Variants in ADAMTS17 observed in about 807,000 individuals in gnomAD.
ADAMTS17 encodes the protein ADAM metallopeptidase with thrombospondin type 1 motif 17.
ADAMTS17 carries 113 observed loss-of-function variants against 141.5 expected under a neutral mutation model. The observed-to-expected ratio is 0.80, with a 90% CI of 0.69 to 0.93. ADAMTS17 has a LOEUF of 0.93. Among genes scored for constraint, ADAMTS17 ranks in the 40% least tolerant of loss-of-function variants. The pLI, the probability that ADAMTS17 is intolerant of heterozygous loss-of-function variation, is 0.00. For missense variants in ADAMTS17, 1,659 were observed against 1,517.9 expected (o/e 1.09, Z -1.54); for synonymous variants, 768 against 630.6 (o/e 1.22, Z -3.27).
Position 100,115,408 on chromosome 15 carries a change from G to A in ADAMTS17, c.1888+1439C>T, listed in dbSNP as rs1015359422. Among the ~76,000 whole-genome samples, 13 of 152,352 alleles carry A rather than the reference G, an allele frequency of 8.5e-5. 1 individual carries two copies. Among genetic ancestry groups the A allele is most frequent in the African/African-American group, 3.1e-4 (13 of 41,582 alleles). ...TCTTGAATTCTGCTGGCGAGCTGAT[G>A]GCGCAGCTACATTACACGGTCCCCA... On this transcript the variant is annotated intron_variant, in intron 13 of 21. Coordinates refer to ENST00000268070, the MANE Select transcript of ADAMTS17 (RefSeq NM_139057.4).
intron 10 of ADAMTS17, among the ~76,000 whole-genome samples, chr15:100,151,805 T>C (rs2039178035): frequency 6.6e-6 from 1 of 152,210 alleles, no homozygotes; most frequent in African/African-American, 2.4e-5. Context: ...GCATGGAGAC[T>C]GCCCTGCCCT....
chr15:99,974,108 T>A lies in ADAMTS17; in HGVS notation c.*294A>T. On this transcript the variant is annotated 3_prime_UTR_variant, in exon 22 of 22. Transcript: ENST00000268070. Reference sequence around the variant, plus strand: ...ACAAGAACACTAAATGATGTCTCTCTCTTGACGGTTGTCTGCCAGAGGTGC... The same window carrying A: ...ACAAGAACACTAAATGATGTCTCTCACTTGACGGTTGTCTGCCAGAGGTGC... 1 of 487,916 alleles carries A rather than the reference T, an allele frequency of 2.0e-6. No individual in the cohort carries two copies. Among genetic ancestry groups the A allele is most frequent in the Non-Finnish European group, 3.8e-6 (1 of 266,086 alleles). The allele number at this position is 487,916 out of a possible 1,614,324, so 30.2% of individuals were successfully genotyped here. A position where few individuals can be genotyped will look rare whatever the true frequency, so the allele number is the denominator to read the frequency against.
rs571764879 is a variant in ADAMTS17 at position 100,049,477 on chromosome 15, C to A, written c.2456-485G>T. Among the ~76,000 whole-genome samples the A allele has an allele frequency of 3.9e-5, 6 of 152,300 alleles. No homozygotes were observed. In the East Asian group the frequency reaches 1.2e-3, roughly 29 times the overall value. On this transcript the variant is annotated intron_variant, in intron 17 of 21. Coordinates refer to ENST00000268070, the MANE Select transcript of ADAMTS17 (RefSeq NM_139057.4). ...TCTGGAAGACACACAGACCTGCATC[C>A]TCTAGACAGGCATTCCAGAGCCATT...
chr15:100,122,655 T>A (rs970578033), intron 12 of ADAMTS17, among the ~76,000 whole-genome samples: 2 of 152,224 alleles, frequency 1.3e-5, no homozygotes, highest in African/African-American at 4.8e-5. Context: ...TTAACATGTT[T>A]TGTAGGTTAT....
At chr15:100,273,313 T>C (rs2043976420) in intron 4 of ADAMTS17, among the ~76,000 whole-genome samples, 1 of 152,190 alleles carries the variant, frequency 6.6e-6, no homozygotes, top group African/African-American at 2.4e-5. Context: ...AGTTTACCAA[T>C]GAAGTCATAA....
intron 8 of ADAMTS17, among the ~76,000 whole-genome samples, chr15:100,177,014 TG>T (rs1350121394): frequency 6.6e-6 from 1 of 152,244 alleles, no homozygotes; most frequent in Non-Finnish European, 1.5e-5. Context: ...GCTCACCCAT[TG>T]GAGCACATTT....
At chr15:99,991,834 A>G (rs928559450) in intron 20 of ADAMTS17, among the ~76,000 whole-genome samples, 1 of 152,240 alleles carries the variant, frequency 6.6e-6, no homozygotes, top group Non-Finnish European at 1.5e-5. Flanking sequence ...ACGGAATACT[A>G]TGCAGCCACA....
intron 15 of ADAMTS17, among the ~76,000 whole-genome samples, chr15:100,068,428 A>G (rs1325599410): frequency 3.3e-5 from 5 of 152,132 alleles, no homozygotes; most frequent in African/African-American, 4.8e-5. Context: ...ACACAGCTGG[A>G]CATCTGCGAA....
chr15:100,114,175 T>TAA (rs1169414494), intron 13 of ADAMTS17, among the ~76,000 whole-genome samples: 1,449 of 118,042 alleles, frequency 0.012, 20 homozygotes, highest in African/African-American at 0.043. Context: ...TTTTTTTTTT[T>TAA]AAAAAAAGGA....
intron 7 of ADAMTS17, among the ~76,000 whole-genome samples, chr15:100,251,157 G>A (rs988286030): frequency 6.6e-6 from 1 of 152,160 alleles, no homozygotes; most frequent in Admixed American, 6.5e-5. Flanking sequence ...ACACGTACTG[G>A]GGATCAGGAG....
intron 13 of ADAMTS17, among the ~76,000 whole-genome samples, chr15:100,115,855 T>TC (rs2037083423): frequency 2.0e-5 from 3 of 152,146 alleles, no homozygotes; most frequent in African/African-American, 7.2e-5. Context: ...TCTGTCTTCT[T>TC]CAAGTGTTGG....
chr15:99,988,178 C>T (rs928933987), intron 20 of ADAMTS17, among the ~76,000 whole-genome samples: 1 of 152,016 alleles, frequency 6.6e-6, no homozygotes, highest in Non-Finnish European at 1.5e-5. Flanking sequence ...AAATCTCATG[C>T]CGAAATGTGT....
chr15:100,173,699 T>A lies in ADAMTS17; in HGVS notation c.1182-18379A>T, dbSNP rs140265392. On this transcript the variant is annotated intron_variant, in intron 8 of 21. Coordinates refer to ENST00000268070, the MANE Select transcript of ADAMTS17 (RefSeq NM_139057.4). ...CTGAGCCTATGTCTCGATTACACTG[T>A]AAGCATCCCACTGTGGCTATTACTG... 1.3e-5 allele frequency among the ~76,000 whole-genome samples: 2 copies of A among 152,366 alleles called. 1 individual carries two copies. The highest frequency in any genetic ancestry group is 3.9e-4 in the East Asian group (2 of 5,194).
At chr15:100,222,665 T>C (rs1294151155) in intron 7 of ADAMTS17, among the ~76,000 whole-genome samples, 1 of 152,160 alleles carries the variant, frequency 6.6e-6, no homozygotes, top group Non-Finnish European at 1.5e-5. Context: ...TCTGGAAATA[T>C]TGGGGGCAGG....
At chr15:100,324,110 C>T (rs1047538806) in intron 3 of ADAMTS17, among the ~76,000 whole-genome samples, 2 of 151,894 alleles carry the variant, frequency 1.3e-5, no homozygotes, top group African/African-American at 4.8e-5. Flanking sequence ...TTCAAGACCA[C>T]CCTGGCCAAC....
chr15:100,072,871 C>A (rs568115816), intron 15 of ADAMTS17, among the ~76,000 whole-genome samples: 30 of 152,140 alleles, frequency 2.0e-4, no homozygotes, highest in Admixed American at 1.5e-3. Context: ...TCTAAAACAC[C>A]AAAAGCAATG....
intron 8 of ADAMTS17, among the ~76,000 whole-genome samples, chr15:100,175,620 G>A (rs2040311561): frequency 6.6e-6 from 1 of 152,066 alleles, no homozygotes; most frequent in Non-Finnish European, 1.5e-5. Context: ...AATTTATGTG[G>A]CTTGGTCATC....
chr15:99,997,475 G>C lies in ADAMTS17; in HGVS notation c.2706C>G (p.Pro902=), dbSNP rs777524361. ...LQNGTHVATR[P]LYCPGPRPAA... is the part of the protein sequence containing the mutation. The stretch of plus-strand genomic sequence containing the variant: ...CCGGCCGGGGGCCCGGGCAGTAGAG[G>C]GGCCGCGTAGCGACGTGTGTGCCGT... Residue 902 remains proline, a synonymous_variant, in exon 19 of 22, where the codon CCC becomes CCG. Coordinates refer to ENST00000268070, the MANE Select transcript of ADAMTS17 (RefSeq NM_139057.4). This position sits in a 1 kb window ranked among gnomAD's most constrained non-coding sequence, Gnocchi z 4.7. 2.5e-6 allele frequency: 4 copies of C among 1,613,516 alleles called. No individual in the cohort carries two copies. In the Admixed American group the frequency reaches 6.7e-5, roughly 27 times the overall value.
Position 100,218,945 on chromosome 15 carries a change from G to T in ADAMTS17, c.1076-19522C>A, listed in dbSNP as rs908648718. On this transcript the variant is annotated intron_variant, in intron 7 of 21. Transcript: ENST00000268070. Reference sequence around the variant, plus strand: ...CACACGTCCATCTACACATGCATATGTACCTCTAAACATGTATATGCAATG... The same window carrying T: ...CACACGTCCATCTACACATGCATATTTACCTCTAAACATGTATATGCAATG... Among the ~76,000 whole-genome samples the T allele has an allele frequency of 2.6e-4, 39 of 152,316 alleles. No homozygotes were observed. In the Middle Eastern group the frequency reaches 0.014, roughly 53 times the overall value.
Sources: gnomAD v4.1 joint callset for allele counts (sites outside exome capture counted in the v4.1 genomes callset) on GRCh38, gnomAD v4.1.1 for gene constraint, Gnocchi (gnomAD v3.1) non-coding constraint, MANE v1.5 for transcripts, NCBI Gene and HGNC (gene_info 2026-07-23, HGNC 2026-07-21) for gene names.